The following ERG variants were observed in gnomAD, a reference collection of about 807,000 sequenced individuals.
The protein encoded by ERG is ETS transcription factor ERG, also known as transcriptional regulator ERG.
A neutral mutation model predicts 55.3 loss-of-function variants in ERG; 9 were observed. The observed-to-expected ratio is 0.16, with a 90% CI of 0.10 to 0.28. The LOEUF is 0.28. Ranked by LOEUF, ERG falls within the 10% of genes least tolerant of loss-of-function variation. The pLI is 1.00. For missense variants in ERG, 434 were observed against 631.6 expected, an observed-to-expected ratio of 0.69 and a Z score of 3.35; for synonymous variants, 223 against 237.3, an observed-to-expected ratio of 0.94 and a Z score of 0.55.
chr21:38,504,115 T>C (rs1001463133), intron 2 of ERG, among the ~76,000 whole-genome samples: 2 of 152,220 alleles, frequency 1.3e-5, no homozygotes, highest in Non-Finnish European at 2.9e-5. Context: ...TAACCATTGT[T>C]TCAACACTTT....
chr21:38,407,644 ATT>A (rs869046074), intron 3 of ERG, among the ~76,000 whole-genome samples: 2 of 147,258 alleles, frequency 1.4e-5, no homozygotes, highest in Admixed American at 6.8e-5. Flanking sequence ...GTATATATAT[ATT>A]TAATGTATAT....
intron 2 of ERG, among the ~76,000 whole-genome samples, chr21:38,558,789 G>A (rs1216022817): frequency 6.6e-6 from 1 of 152,160 alleles, no homozygotes; most frequent in East Asian, 1.9e-4. Context: ...TTCCACAAAT[G>A]AACCAAAAAC....
At chr21:38,575,533 T>C in intron 2 of ERG, 1 of 658,650 alleles carries the variant, frequency 1.5e-6, no homozygotes. Context: ...TTTAAAAAAG[T>C]AAAAACCATT....
intron 1 of ERG, among the ~76,000 whole-genome samples, chr21:38,451,675 G>A (rs1053343685): frequency 2.6e-5 from 4 of 152,130 alleles, no homozygotes; most frequent in Admixed American, 1.3e-4. Flanking sequence ...GTATTTGGAG[G>A]AGGAAAAAAC....
chr21:38,620,565 T>A (rs1011919806), intron 1 of ERG, among the ~76,000 whole-genome samples: 1 of 152,236 alleles, frequency 6.6e-6, no homozygotes, highest in Non-Finnish European at 1.5e-5. Context: ...CATTTAAAAA[T>A]AGAGATTCCT....
At chr21:38,531,828 G>C (rs1406418378) in intron 2 of ERG, among the ~76,000 whole-genome samples, 6 of 152,126 alleles carry the variant, frequency 3.9e-5, no homozygotes, top group Non-Finnish European at 7.3e-5. Context: ...TTACACATCA[G>C]GGCTTGGCGA....
chr21:38,532,780 T>C (rs750585152), intron 2 of ERG, among the ~76,000 whole-genome samples: 17 of 152,322 alleles, frequency 1.1e-4, no homozygotes, highest in Non-Finnish European at 1.6e-4. Flanking sequence ...CTATGGATAG[T>C]AGAAGTAACT....
At chr21:38,495,252 C>T (rs538897629) in intron 1 of ERG, among the ~76,000 whole-genome samples, 22 of 152,126 alleles carry the variant, frequency 1.4e-4, no homozygotes, top group Non-Finnish European at 2.4e-4. Context: ...GCAGACGTGG[C>T]GTATATAATG....
At chr21:38,646,040 A>T (rs2060454055) in intron 1 of ERG, among the ~76,000 whole-genome samples, 1 of 152,192 alleles carries the variant, frequency 6.6e-6, no homozygotes, top group Non-Finnish European at 1.5e-5. Flanking sequence ...ACACTCTGAG[A>T]GGCCAAGGAG....
chr21:38,654,818 A>G (rs1481793308), intron 1 of ERG, among the ~76,000 whole-genome samples: 1 of 152,206 alleles, frequency 6.6e-6, no homozygotes, highest in Non-Finnish European at 1.5e-5. Flanking sequence ...CAAGCCTTGC[A>G]CAAGGCAAGT....
intron 2 of ERG, among the ~76,000 whole-genome samples, chr21:38,572,292 CAGG>C (rs1410539812): frequency 2.0e-5 from 3 of 148,994 alleles, no homozygotes; most frequent in Admixed American, 6.8e-5. Context: ...GGCGGGAACC[CAGG>C]AGGCAGAGGT....
At chr21:38,480,687 G>A (rs2059231169) in intron 1 of ERG, among the ~76,000 whole-genome samples, 1 of 142,984 alleles carries the variant, frequency 7.0e-6, no homozygotes, top group Non-Finnish European at 1.5e-5. Context: ...CCTGGTTGCA[G>A]TGGCCAAATA....
At chr21:38,637,198 A>ATG (rs145710962) in intron 1 of ERG, among the ~76,000 whole-genome samples, 39 of 151,590 alleles carry the variant, frequency 2.6e-4, no homozygotes, top group South Asian at 8.3e-4. Context: ...GTCTCCTGAA[A>ATG]TGTGTGTGTG....
Position 38,429,631 on chromosome 21 carries a change from A to G in ERG, c.237-6070T>C, listed in dbSNP as rs56000665. On this transcript the variant is annotated intron_variant, in intron 2 of 9. Transcript: ENST00000288319. ...CACATGTACATATATACATATGTGT[A>G]TATATACATGTATACACATGTACAT... Among the ~76,000 whole-genome samples the G allele has an allele frequency of 1.9e-4, 26 of 134,924 alleles. 9 individuals carry two copies. The highest frequency in any genetic ancestry group is 6.5e-4 in the East Asian group (2 of 3,070). The allele number at this position is 134,924 out of a possible 152,430, so 88.5% of individuals were successfully genotyped here. A position where few individuals can be genotyped will look rare whatever the true frequency, so the allele number is the denominator to read the frequency against.
At chr21:38,407,785 T>TA (rs1053199145) in intron 3 of ERG, among the ~76,000 whole-genome samples, 3 of 146,280 alleles carry the variant, frequency 2.1e-5, no homozygotes, top group Admixed American at 2.0e-4. Flanking sequence ...AAAGAAAAGT[T>TA]AAAAAAATGA....
intron 1 of ERG, among the ~76,000 whole-genome samples, chr21:38,605,818 A>G (rs531277432): frequency 6.6e-6 from 1 of 150,544 alleles, no homozygotes; most frequent in East Asian, 2.0e-4. Context: ...GGTGTGTTGC[A>G]GCCCAGATAG....
intron 2 of ERG, among the ~76,000 whole-genome samples, chr21:38,539,889 C>T (rs940699769): frequency 7.0e-6 from 1 of 143,400 alleles, no homozygotes; most frequent in African/African-American, 2.6e-5. Flanking sequence ...GTCTCCAACA[C>T]GTGATTTTTT....
Position 38,429,432 on chromosome 21 carries a change from TACATGTATACACGTGTAC to T in ERG, c.237-5889_237-5872del, listed in dbSNP as rs1280374684. 7.1e-4 allele frequency among the ~76,000 whole-genome samples: 88 copies of T among 124,108 alleles called. 26 individuals are homozygous for T. Among genetic ancestry groups the T allele is most frequent in the Middle Eastern group, 4.7e-3 (1 of 214 alleles). 81.4% of individuals were successfully genotyped at this position (124,108 alleles called of 152,430 possible). ...ATACGCACATATAAACATGTGTGTATACATGTATACACGTGTACACATGTACATATACACATATGTGTA... is the reference window on the plus strand; with the variant it reads ...ATACGCACATATAAACATGTGTGTATACATGTACATATACACATATGTGTA... On this transcript the variant is annotated intron_variant, in intron 2 of 9. Transcript: ENST00000288319.
At chr21:38,482,884 G>T (rs977715666) in intron 1 of ERG, among the ~76,000 whole-genome samples, 1 of 152,066 alleles carries the variant, frequency 6.6e-6, no homozygotes, top group African/African-American at 2.4e-5. Flanking sequence ...CACCATGTTG[G>T]CCAGGCTGGT....
Sources: gnomAD v4.1 joint callset for allele counts (sites outside exome capture counted in the v4.1 genomes callset) on GRCh38, gnomAD v4.1.1 for gene constraint, MANE v1.5 for transcripts, NCBI Gene and HGNC (gene_info 2026-07-23, HGNC 2026-07-21) for gene names.